The following SOBP variants were observed in gnomAD, a reference collection of about 807,000 sequenced individuals.
SOBP encodes the protein sine oculis binding protein homolog, also known as sine oculis-binding protein homolog.
Under a neutral mutation model 53.6 loss-of-function variants are expected in SOBP, and 4 were observed. The ratio of observed to expected loss-of-function variants is 0.07; its 90% CI spans 0.04 to 0.17. SOBP has a LOEUF of 0.17. Ranked by LOEUF, SOBP falls within the 10% of genes least tolerant of loss-of-function variation. The pLI, the probability that SOBP is intolerant of heterozygous loss-of-function variation, is 1.00. For synonymous variants in SOBP, 584 were observed against 522.6 expected, an observed-to-expected ratio of 1.12 and a Z score of -1.60; for missense variants, 1,088 against 1,204.7, an observed-to-expected ratio of 0.90 and a Z score of 1.43.
At chr6:107,530,359 G>A (rs1042816976) in intron 3 of SOBP, among the ~76,000 whole-genome samples, 1 of 152,138 alleles carries the variant, frequency 6.6e-6, no homozygotes, top group African/African-American at 2.4e-5. Context: ...AAGAGATGCA[G>A]GGTTGAAGTG....
chr6:107,588,048 C>A (rs1454810960), intron 5 of SOBP, among the ~76,000 whole-genome samples: 1 of 152,174 alleles, frequency 6.6e-6, no homozygotes, highest in African/African-American at 2.4e-5. Flanking sequence ...TAAAGCAAAA[C>A]ATTTGCTCCA....
intron 4 of SOBP, among the ~76,000 whole-genome samples, chr6:107,561,597 T>C (rs1252821257): frequency 6.6e-6 from 1 of 152,226 alleles, no homozygotes; most frequent in East Asian, 1.9e-4. Flanking sequence ...TCTGTGCTTG[T>C]GCGCAGCTGC....
intron 6 of SOBP, among the ~76,000 whole-genome samples, chr6:107,653,162 T>C (rs1771879473): frequency 6.6e-6 from 1 of 152,206 alleles, no homozygotes; most frequent in Non-Finnish European, 1.5e-5. Context: ...TTAAAAACTC[T>C]TCATGAAGCA....
intron 4 of SOBP, among the ~76,000 whole-genome samples, chr6:107,557,491 A>G (rs1444470416): frequency 1.3e-5 from 2 of 152,266 alleles, no homozygotes; most frequent in African/African-American, 4.8e-5. Flanking sequence ...TACTCTTTCA[A>G]GAATGGCAAA....
At chr6:107,539,779 A>C (rs1458582227) in intron 4 of SOBP, among the ~76,000 whole-genome samples, 2 of 152,056 alleles carry the variant, frequency 1.3e-5, no homozygotes, top group Non-Finnish European at 2.9e-5. Flanking sequence ...TACATTTCCA[A>C]CTCTCTCACC....
intron 4 of SOBP, among the ~76,000 whole-genome samples, chr6:107,581,830 A>G (rs1036963940): frequency 5.9e-5 from 9 of 152,144 alleles, no homozygotes; most frequent in South Asian, 2.1e-4. Context: ...CTCCTCTCCA[A>G]TTCTTCAACT....
At chr6:107,526,899 T>G (rs1783681185) in intron 3 of SOBP, among the ~76,000 whole-genome samples, 1 of 152,210 alleles carries the variant, frequency 6.6e-6, no homozygotes, top group Non-Finnish European at 1.5e-5. Context: ...ACTACTCTGT[T>G]TAGAGAGGAG....
chr6:107,634,707 G>C lies in SOBP; in HGVS notation c.1863G>C (p.Val621=), dbSNP rs1770918485. ...TPAEHGRSEV[V]DLTRRAGSPP... ...CCGAGCATGGCCGGAGCGAGGTGGT[G>C]GACCTGACGCGGCGCGCCGGCAGCC... The change falls in exon 6 of 7, where the codon GTG becomes GTC. Residue 621 remains valine, a synonymous_variant. Coordinates refer to ENST00000317357, the MANE Select transcript of SOBP (RefSeq NM_018013.4). This position sits in a 1 kb window ranked among gnomAD's most constrained non-coding sequence, Gnocchi z 4.5. 1 of 1,415,538 alleles carries C rather than the reference G, an allele frequency of 7.1e-7. No homozygotes were observed. Among genetic ancestry groups the C allele is most frequent in the African/African-American group, 1.5e-5 (1 of 66,566 alleles). 87.7% of individuals were successfully genotyped at this position (1,415,538 alleles called of 1,614,324 possible).
intron 4 of SOBP, among the ~76,000 whole-genome samples, chr6:107,575,742 G>T (rs573965922): frequency 1.3e-4 from 20 of 152,212 alleles, no homozygotes; most frequent in Admixed American, 3.3e-4. Context: ...ATAATAAGAA[G>T]AAGAAGACAG....
In SOBP at chr6:107,499,916, T is replaced by C. The variant is rs557524849; in HGVS notation, c.97-3741T>C. Among the ~76,000 whole-genome samples the C allele has an allele frequency of 3.3e-5, 5 of 152,308 alleles. No homozygotes were observed. The East Asian group carries it at 5.8e-4, about 18-fold the overall frequency. On this transcript the variant is annotated intron_variant, in intron 1 of 6. Coordinates refer to ENST00000317357, the MANE Select transcript of SOBP (RefSeq NM_018013.4). ...TATTACCTTTACTGTTTTTCACATA[T>C]ATATGTATGAAACACATGTATATAT...
At chr6:107,563,693 AC>A (rs1784834938) in intron 4 of SOBP, among the ~76,000 whole-genome samples, 1 of 152,038 alleles carries the variant, frequency 6.6e-6, no homozygotes, top group Non-Finnish European at 1.5e-5. Flanking sequence ...AAAAAAACTT[AC>A]AATAGACAAA....
chr6:107,602,195 AAC>A (rs1172370690), intron 5 of SOBP, among the ~76,000 whole-genome samples: 1 of 152,240 alleles, frequency 6.6e-6, no homozygotes, highest in Non-Finnish European at 1.5e-5. Context: ...GAAAGACTGA[AAC>A]AGAAGTAAAA....
In SOBP at chr6:107,503,012, C is replaced by T. The variant is rs550102029; in HGVS notation, c.97-645C>T. On this transcript the variant is annotated intron_variant, in intron 1 of 6. Transcript: ENST00000317357. ...TTGACCTCAAGTAATCTGTCTGCCT[C>T]AGCCTTCCAAAGTGCGGGATTACAG... 7.2e-5 allele frequency among the ~76,000 whole-genome samples: 11 copies of T among 152,294 alleles called. No individual in the cohort carries two copies. In the South Asian group the frequency reaches 2.1e-3, roughly 29 times the overall value.
intron 4 of SOBP, among the ~76,000 whole-genome samples, chr6:107,560,550 T>A (rs1163070802): frequency 6.6e-6 from 1 of 152,182 alleles, no homozygotes; most frequent in Non-Finnish European, 1.5e-5. Flanking sequence ...TAGCATCCTC[T>A]TCATACACCT....
intron 1 of SOBP, among the ~76,000 whole-genome samples, chr6:107,495,346 A>G (rs931239006): frequency 1.1e-4 from 16 of 152,168 alleles, no homozygotes; most frequent in African/African-American, 3.9e-4. Context: ...TTGGATGGTT[A>G]TGTATTATGG....
In SOBP at chr6:107,568,285, G is replaced by A. The variant is rs534919646; in HGVS notation, c.574-18795G>A. 6.7e-4 allele frequency among the ~76,000 whole-genome samples: 102 copies of A among 152,250 alleles called. 2 individuals carry two copies. The highest frequency in any genetic ancestry group is 6.8e-4 in the Non-Finnish European group (46 of 68,026). ...GCTAGTGCTCAACAGTGGGAAACAC[G>A]GTCAAGTTGCCTGTGGAGTCCTTAC... On this transcript the variant is annotated intron_variant, in intron 4 of 6. Coordinates refer to ENST00000317357, the MANE Select transcript of SOBP (RefSeq NM_018013.4).
rs80230683 is a variant in SOBP at position 107,595,511 on chromosome 6, A to G, written c.669+8336A>G. On this transcript the variant is annotated intron_variant, in intron 5 of 6. Transcript: ENST00000317357. The stretch of plus-strand genomic sequence containing the variant: ...ATGGGAGTCAGTCATATTCTCCTTT[A>G]TTGTTTTAATTACTAGAACTGAACA... 0.013 allele frequency among the ~76,000 whole-genome samples: 1,931 copies of G among 152,120 alleles called. 82 individuals are homozygous for G. The East Asian group carries it at 0.16, about 13-fold the overall frequency.
chr6:107,584,526 G>A (rs1331853977), intron 4 of SOBP, among the ~76,000 whole-genome samples: 3 of 152,148 alleles, frequency 2.0e-5, no homozygotes, highest in Admixed American at 1.3e-4. Flanking sequence ...CACAGCAAAT[G>A]GCTGAAGGAT....
intron 5 of SOBP, among the ~76,000 whole-genome samples, chr6:107,599,645 A>G (rs1318287236): frequency 6.6e-6 from 1 of 150,906 alleles, no homozygotes; most frequent in Non-Finnish European, 1.5e-5. Flanking sequence ...CCCAAATTAA[A>G]TTTCTTAAAA....
Sources: allele counts gnomAD v4.1 joint callset (sites outside exome capture counted in the v4.1 genomes callset), GRCh38; gene constraint gnomAD v4.1.1; non-coding constraint Gnocchi (gnomAD v3.1); transcripts MANE v1.5; gene names NCBI Gene and HGNC (gene_info 2026-07-23, HGNC 2026-07-21).